FMN2: variants seen among roughly 807,000 people sequenced by gnomAD.
The protein encoded by FMN2 is formin-2.
A neutral mutation model predicts 142.3 loss-of-function variants in FMN2; 51 were observed. The ratio of observed to expected loss-of-function variants is 0.36; its 90% confidence interval spans 0.29 to 0.45. The LOEUF is 0.45. FMN2 is among the 20% of genes least tolerant of loss of function. The probability of loss-of-function intolerance (pLI) is 1.00; values close to 1 mark genes in which losing one functional copy is unlikely to be tolerated. For synonymous variants in FMN2, 882 were observed against 869.8 expected (o/e 1.01, Z -0.25); for missense variants, 1,936 against 2,122.8 (o/e 0.91, Z 1.73).
In FMN2 at chr1:240,093,043, C is replaced by A; in HGVS notation, c.934C>A (p.Pro312Thr). 1 of 1,393,536 alleles carries A rather than the reference C, an allele frequency of 7.2e-7. No homozygotes were observed. Among genetic ancestry groups the A allele is most frequent in the South Asian group, 1.6e-5 (1 of 61,976 alleles). The allele number at this position is 1,393,536 out of a possible 1,614,324, so 86.3% of individuals were successfully genotyped here. A position where few individuals can be genotyped will look rare whatever the true frequency, so the allele number is the denominator to read the frequency against. Reference protein sequence around the residue: ...SEAPSLPAAQPAAKDSPSSTA... With the variant: ...SEAPSLPAAQTAAKDSPSSTA... ...GGCGCCCAGTCTCCCGGCAGCGCAA[C>A]CCGCGGCCAAAGACTCGCCCTCCTC... The change falls in exon 1 of 18, where the codon CCC becomes ACC. Residue 312 changes from proline to threonine, a missense_variant. Physicochemically the swap from Pro to Thr is conservative, Grantham distance 38. Coordinates refer to ENST00000319653, the MANE Select transcript of FMN2 (RefSeq NM_020066.5).
At chr1:240,314,815 G>A (rs1670717257) in intron 8 of FMN2, among the ~76,000 whole-genome samples, 1 of 152,126 alleles carries the variant, frequency 6.6e-6, no homozygotes, top group African/African-American at 2.4e-5. Context: ...TAAGTTCCCT[G>A]TCTGCCTCTA....
chr1:240,249,149 G>A (rs768235306), intron 6 of FMN2, among the ~76,000 whole-genome samples: 4 of 151,876 alleles, frequency 2.6e-5, no homozygotes, highest in Non-Finnish European at 5.9e-5. Context: ...GTGCTTTTGA[G>A]GTCTTAGCCA....
chr1:240,345,474 G>C (rs564936450), intron 13 of FMN2, among the ~76,000 whole-genome samples: 17 of 151,952 alleles, frequency 1.1e-4, no homozygotes, highest in Non-Finnish European at 2.4e-4. Flanking sequence ...ATCTTTTTTT[G>C]TTGTTTTTGT....
chr1:240,327,715 C>T (rs1671218367), intron 8 of FMN2, among the ~76,000 whole-genome samples: 1 of 151,858 alleles, frequency 6.6e-6, no homozygotes, highest in Non-Finnish European at 1.5e-5. Flanking sequence ...AATCTCCTAC[C>T]CTATATTAAT....
chr1:240,280,130 T>G lies in FMN2; in HGVS notation c.4154-14692T>G, dbSNP rs185310162. 3.4e-3 allele frequency among the ~76,000 whole-genome samples: 523 copies of G among 152,266 alleles called. 4 individuals are homozygous for G. The highest frequency in any genetic ancestry group is 0.025 in the South Asian group (120 of 4,828). On this transcript the variant is annotated intron_variant, in intron 7 of 17. Transcript: ENST00000319653. ...TTTTCTTTTTTTTATGAATTTTTAA[T>G]TTTTAGTGACCAAACTTCTTAGTTC...
chr1:240,394,522 T>C (rs931262651), intron 15 of FMN2, among the ~76,000 whole-genome samples: 1 of 152,184 alleles, frequency 6.6e-6, no homozygotes, highest in Non-Finnish European at 1.5e-5. Context: ...CAAGTGCTGA[T>C]GGACAAGCTA....
intron 1 of FMN2, among the ~76,000 whole-genome samples, chr1:240,118,112 G>A (rs551390776): frequency 1.7e-4 from 26 of 152,114 alleles, no homozygotes; most frequent in African/African-American, 6.3e-4. Flanking sequence ...GGAGGAGAAG[G>A]CCAGTAGGCA....
chr1:240,096,364 G>A (rs1045813558), intron 1 of FMN2, among the ~76,000 whole-genome samples: 31 of 152,278 alleles, frequency 2.0e-4, no homozygotes, highest in African/African-American at 7.0e-4. Context: ...CTGGATGAAG[G>A]GTGATTGTTG....
At chr1:240,414,533 G>T (rs1674515103) in intron 15 of FMN2, among the ~76,000 whole-genome samples, 1 of 152,162 alleles carries the variant, frequency 6.6e-6, no homozygotes, top group African/African-American at 2.4e-5. Flanking sequence ...GGCATTTGTA[G>T]GGATGTTTTG....
At chr1:240,141,616 C>T (rs1031648749) in intron 2 of FMN2, among the ~76,000 whole-genome samples, 2 of 152,080 alleles carry the variant, frequency 1.3e-5, no homozygotes, top group East Asian at 3.9e-4. Context: ...GTAATCTGCC[C>T]ACCTTGACCT....
At chr1:240,437,404 C>T (rs1474549508) in intron 15 of FMN2, among the ~76,000 whole-genome samples, 2 of 150,822 alleles carry the variant, frequency 1.3e-5, no homozygotes, top group East Asian at 4.0e-4. Flanking sequence ...TGCCATTCTC[C>T]TGCCTCTCAG....
intron 14 of FMN2, among the ~76,000 whole-genome samples, chr1:240,357,586 CTT>C (rs964863210): frequency 1.3e-5 from 2 of 150,050 alleles, no homozygotes; most frequent in African/African-American, 4.9e-5. Context: ...GTAAGTATCT[CTT>C]CAGATTTTAA....
At chr1:240,244,827 G>A (rs1308847596) in intron 6 of FMN2, among the ~76,000 whole-genome samples, 1 of 152,176 alleles carries the variant, frequency 6.6e-6, no homozygotes, top group African/African-American at 2.4e-5. Context: ...CTGATGTCTA[G>A]CCAAGGTTGG....
chr1:240,386,322 C>T (rs1286327724), intron 14 of FMN2, among the ~76,000 whole-genome samples: 1 of 152,126 alleles, frequency 6.6e-6, no homozygotes, highest in Non-Finnish European at 1.5e-5. Flanking sequence ...AATGCACATT[C>T]ATAGCTAATT....
intron 2 of FMN2, among the ~76,000 whole-genome samples, chr1:240,124,377 G>T (rs541184637): frequency 2.0e-5 from 3 of 152,286 alleles, no homozygotes; most frequent in East Asian, 3.9e-4. Flanking sequence ...ACGTGAAGCA[G>T]CATTGTCTGC....
chr1:240,322,194 A>T (rs1277252842), intron 8 of FMN2, among the ~76,000 whole-genome samples: 1 of 102,144 alleles, frequency 9.8e-6, no homozygotes, highest in African/African-American at 5.2e-5. Context: ...CCAACTTACT[A>T]TGGTTTAAAA....
chr1:240,156,149 G>A (rs1571997066), intron 2 of FMN2, among the ~76,000 whole-genome samples: 1 of 152,094 alleles, frequency 6.6e-6, no homozygotes, highest in Non-Finnish European at 1.5e-5. Context: ...TACTAGGAAG[G>A]CTGAAGCGGG....
In FMN2 at chr1:240,258,038, T is replaced by A. The variant is rs1668508096; in HGVS notation, c.4153+6T>A. 1.9e-6 allele frequency: 3 copies of A among 1,598,786 alleles called. 1 individual carries two copies. The highest frequency in any genetic ancestry group is 2.3e-5 in the South Asian group (2 of 87,940). On this transcript the variant is annotated splice_donor_region_variant and intron_variant, in intron 7 of 17. Coordinates refer to ENST00000319653, the MANE Select transcript of FMN2 (RefSeq NM_020066.5). ...TATGAAAGACATACAACATGGTAAGTGTCAAAATGAAAATTTAGCTTCTGA... is the reference window on the plus strand; with the variant it reads ...TATGAAAGACATACAACATGGTAAGAGTCAAAATGAAAATTTAGCTTCTGA...
At chr1:240,402,751 T>C (rs1674033532) in intron 15 of FMN2, among the ~76,000 whole-genome samples, 1 of 152,228 alleles carries the variant, frequency 6.6e-6, no homozygotes, top group Admixed American at 6.5e-5. Flanking sequence ...TGTCAGCTCA[T>C]AGGCAGAGAA....
Sources: gnomAD v4.1 joint callset for allele counts (sites outside exome capture counted in the v4.1 genomes callset) on GRCh38, gnomAD v4.1.1 for gene constraint, MANE v1.5 for transcripts, NCBI Gene and HGNC (gene_info 2026-07-23, HGNC 2026-07-21) for gene names.